Variants in GLCCI1 observed in about 807,000 individuals in gnomAD.
GLCCI1 encodes the protein glucocorticoid-induced transcript 1 protein.
GLCCI1 carries 24 observed loss-of-function variants against 52.2 expected under a neutral mutation model. The observed-to-expected ratio is 0.46, with a 90% confidence interval of 0.33 to 0.65. The LOEUF is 0.65. Among genes scored for constraint, GLCCI1 ranks in the 30% least tolerant of loss-of-function variants. The pLI, the probability that GLCCI1 is intolerant of heterozygous loss-of-function variation, is 0.02. For synonymous variants in GLCCI1, 310 were observed against 276.5 expected (o/e 1.12, Z -1.20); for missense variants, 704 against 701.5 (o/e 1.00, Z -0.04).
At chr7:8,044,639 A>G (rs1270418476) in intron 3 of GLCCI1, among the ~76,000 whole-genome samples, 2 of 152,164 alleles carry the variant, frequency 1.3e-5, no homozygotes, top group African/African-American at 4.8e-5. Context: ...TCAAAGTGCT[A>G]AAATTACAGG....
chr7:7,998,203 TTTTTGTTTTGTTTCG>T (rs1418852217), intron 1 of GLCCI1, among the ~76,000 whole-genome samples: 1 of 151,606 alleles, frequency 6.6e-6, no homozygotes, highest in East Asian at 1.9e-4. Context: ...TTGTTGTTGT[TTTTTGTTTTGTTTCG>T]TTTTGTTTTG....
At chr7:8,016,301 C>G (rs904795810) in intron 2 of GLCCI1, among the ~76,000 whole-genome samples, 2 of 152,110 alleles carry the variant, frequency 1.3e-5, no homozygotes, top group African/African-American at 4.8e-5. Context: ...AACCCCGTCT[C>G]TACTAAAAAT....
intron 1 of GLCCI1, among the ~76,000 whole-genome samples, chr7:7,974,465 G>A (rs1296338299): frequency 1.3e-5 from 2 of 152,204 alleles, no homozygotes; most frequent in Non-Finnish European, 2.9e-5. Context: ...TGCCGTGTAC[G>A]TTTCTGTAAG....
chr7:8,007,689 C>T lies in GLCCI1; in HGVS notation c.609+3630C>T, dbSNP rs192149114. Reference sequence around the variant, plus strand: ...ACATTGGTGGAAGGAAGGTGGTATACTCAGCTTGCTACAGACATTAAACAC... The same window carrying T: ...ACATTGGTGGAAGGAAGGTGGTATATTCAGCTTGCTACAGACATTAAACAC... On this transcript the variant is annotated intron_variant, in intron 2 of 7. Transcript: ENST00000223145. 3.6e-3 allele frequency among the ~76,000 whole-genome samples: 543 copies of T among 152,272 alleles called. 1 individual carries two copies. The highest frequency in any genetic ancestry group is 6.1e-3 in the Non-Finnish European group (412 of 68,026).
At chr7:8,010,737 A>G (rs1177714932) in intron 2 of GLCCI1, among the ~76,000 whole-genome samples, 1 of 152,154 alleles carries the variant, frequency 6.6e-6, no homozygotes, top group African/African-American at 2.4e-5. Context: ...CTACTACTTA[A>G]AAAAAGTATT....
chr7:8,004,116 C>T, intron 2 of GLCCI1, 57 bp downstream of exon 2: 2 of 1,428,576 alleles, frequency 1.4e-6, no homozygotes, highest in South Asian at 1.5e-5. Flanking sequence ...GTTTTGATCA[C>T]AGTAAAGAAA....
chr7:8,054,881 T>C (rs1295386843), intron 3 of GLCCI1, among the ~76,000 whole-genome samples: 1 of 151,800 alleles, frequency 6.6e-6, no homozygotes, highest in Non-Finnish European at 1.5e-5. Context: ...TTATATTTGT[T>C]TTTAAAGGTT....
At chr7:8,005,943 T>C (rs1480351979) in intron 2 of GLCCI1, among the ~76,000 whole-genome samples, 1 of 152,008 alleles carries the variant, frequency 6.6e-6, no homozygotes. Context: ...GGATTACAGG[T>C]GCCTGCCACC....
chr7:8,071,432 C>T (rs1181991864), intron 6 of GLCCI1, among the ~76,000 whole-genome samples: 3 of 151,970 alleles, frequency 2.0e-5, no homozygotes, highest in Admixed American at 6.6e-5. Context: ...TTGTCCAGAG[C>T]GGATGATGGT....
At chr7:8,040,118 G>C (rs778121424) in intron 3 of GLCCI1, among the ~76,000 whole-genome samples, 5 of 151,904 alleles carry the variant, frequency 3.3e-5, no homozygotes, top group Non-Finnish European at 5.9e-5. Context: ...TCATCAAAGA[G>C]AATGTATGAA....
intron 1 of GLCCI1, among the ~76,000 whole-genome samples, chr7:7,982,590 A>G (rs1780644293): frequency 6.6e-6 from 1 of 152,218 alleles, no homozygotes; most frequent in Non-Finnish European, 1.5e-5. Context: ...CAGCCAGCTT[A>G]AGATCTAGAA....
At chr7:8,007,701 C>T (rs1434272208) in intron 2 of GLCCI1, among the ~76,000 whole-genome samples, 1 of 152,200 alleles carries the variant, frequency 6.6e-6, no homozygotes, top group Non-Finnish European at 1.5e-5. Context: ...CAGCTTGCTA[C>T]AGACATTAAA....
At chr7:7,982,184 GAAATCCAAAGAA>G (rs1780637375) in intron 1 of GLCCI1, 4 of 274,614 alleles carry the variant, frequency 1.5e-5, no homozygotes, top group Admixed American at 1.4e-4. Context: ...GACTGAAGCA[GAAATCCAAAGAA>G]AAATCCAAAG....
chr7:8,023,588 C>CCTTTTTTTTTTTTTTTTTTTTTTT (rs1781543370), intron 3 of GLCCI1, among the ~76,000 whole-genome samples: 3 of 41,986 alleles, frequency 7.1e-5, no homozygotes, highest in African/African-American at 3.1e-4. Flanking sequence ...CTCTGTTATT[C>CCTTTTTTTTTTTTTTTTTTTTTTT]TTTTTTTTTT....
intron 3 of GLCCI1, among the ~76,000 whole-genome samples, chr7:8,053,667 T>TA (rs1193777652): frequency 6.6e-6 from 1 of 152,074 alleles, no homozygotes; most frequent in African/African-American, 2.4e-5. Context: ...GGAGCTAGTG[T>TA]AGTTGGGACC....
chr7:8,085,749 C>T (rs188413431), intron 7 of GLCCI1, among the ~76,000 whole-genome samples: 1 of 152,190 alleles, frequency 6.6e-6, no homozygotes, highest in African/African-American at 2.4e-5. Context: ...CCCCTCCCCA[C>T]TCCACCCCCC....
intron 4 of GLCCI1, among the ~76,000 whole-genome samples, chr7:8,058,470 A>T (rs973070105): frequency 2.0e-5 from 3 of 152,180 alleles, no homozygotes; most frequent in African/African-American, 4.8e-5. Flanking sequence ...CTTTTCCTAC[A>T]AGATATGAAA....
At chr7:8,038,371 A>G (rs1212499068) in intron 3 of GLCCI1, among the ~76,000 whole-genome samples, 1 of 152,202 alleles carries the variant, frequency 6.6e-6, no homozygotes, top group Non-Finnish European at 1.5e-5. Context: ...TTCAAATTAT[A>G]CTACAAGGCT....
Position 8,043,711 on chromosome 7 carries a change from G to A in GLCCI1, c.697-11722G>A, listed in dbSNP as rs1782054189. 2.6e-5 allele frequency among the ~76,000 whole-genome samples: 4 copies of A among 152,052 alleles called. No individual in the cohort carries two copies. The South Asian group carries it at 8.3e-4, about 31-fold the overall frequency. On this transcript the variant is annotated intron_variant, in intron 3 of 7. Transcript: ENST00000223145. The stretch of plus-strand genomic sequence containing the variant: ...GAATTTTACTATTAAAATGGATGAA[G>A]TTAATGGAATGTAAATTATACTTCA...
Sources: allele counts gnomAD v4.1 joint callset (sites outside exome capture counted in the v4.1 genomes callset), GRCh38; gene constraint gnomAD v4.1.1; transcripts MANE v1.5; gene names NCBI Gene and HGNC (gene_info 2026-07-23, HGNC 2026-07-21).